Variants in BCL2 observed in about 807,000 individuals in gnomAD.
BCL2 encodes apoptosis regulator Bcl-2.
Under a neutral mutation model 14.2 loss-of-function variants are expected in BCL2, and 1 was observed. That is an observed-to-expected ratio of 0.07 (90% confidence interval 0.02 to 0.33). The LOEUF (loss-of-function observed/expected upper bound fraction) is 0.33, where lower values mean the gene tolerates loss of function less well. Among genes scored for constraint, BCL2 ranks in the 10% least tolerant of loss-of-function variants. The pLI is 0.99. For missense variants in BCL2, 247 were observed against 305.9 expected (o/e 0.81, Z 1.44); for synonymous variants, 151 against 137.2 (o/e 1.10, Z -0.70).
chr18:63,287,305 C>T (rs1393823401), intron 2 of BCL2, among the ~76,000 whole-genome samples: 1 of 152,172 alleles, frequency 6.6e-6, no homozygotes, highest in Non-Finnish European at 1.5e-5. Flanking sequence ...GAAACTGAAG[C>T]TTGGAGAAAC....
At chr18:63,198,299 CACACAGACACACACTGACACAG>C (rs1909511694) in intron 2 of BCL2, among the ~76,000 whole-genome samples, 1 of 151,028 alleles carries the variant, frequency 6.6e-6, no homozygotes, top group Non-Finnish European at 1.5e-5. Context: ...CACAGAGACA[CACACAGACACACACTGACACAG>C]ACACAGAGAC....
At chr18:63,188,999 G>GTTTT (rs36046351) in intron 2 of BCL2, among the ~76,000 whole-genome samples, 2 of 139,906 alleles carry the variant, frequency 1.4e-5, no homozygotes, top group Non-Finnish European at 3.0e-5. Flanking sequence ...TTTTCCCCAA[G>GTTTT]TTTTTTTTTT....
At chr18:63,187,090 G>A (rs754476662) in intron 2 of BCL2, among the ~76,000 whole-genome samples, 25 of 152,174 alleles carry the variant, frequency 1.6e-4, no homozygotes, top group African/African-American at 5.5e-4. Context: ...GGAAGTTATC[G>A]TTTCATTCTA....
intron 2 of BCL2, among the ~76,000 whole-genome samples, chr18:63,304,185 C>T (rs1913049698): frequency 6.6e-6 from 1 of 152,148 alleles, no homozygotes; most frequent in Non-Finnish European, 1.5e-5. Flanking sequence ...GTTTACTTTT[C>T]TGACTTCCTC....
chr18:63,149,266 A>G lies in BCL2; in HGVS notation c.586-20507T>C, dbSNP rs1359910016. Among the ~76,000 whole-genome samples, 4 of 152,220 alleles carry G rather than the reference A, an allele frequency of 2.6e-5. No individual in the cohort carries two copies. Among genetic ancestry groups the G allele is most frequent in the African/African-American group, 7.2e-5 (3 of 41,452 alleles). On this transcript the variant is annotated intron_variant, in intron 2 of 2. Transcript: ENST00000333681. This position sits in a 1 kb window ranked among gnomAD's most constrained non-coding sequence, Gnocchi z 4.2. ...ACAGATCATCAGGCATTCGGTTCCC[A>G]TAAGGAGCACACAACCTAGATCCCT...
At chr18:63,228,261 C>G (rs9630855) in intron 2 of BCL2, among the ~76,000 whole-genome samples, 65,060 of 152,088 alleles carry the variant, frequency 0.43, 16,713 homozygotes, top group Non-Finnish European at 0.59. Context: ...CAAATATTAT[C>G]ACATTAGAGG....
At chr18:63,230,037 A>G (rs1279493757) in intron 2 of BCL2, among the ~76,000 whole-genome samples, 3 of 152,228 alleles carry the variant, frequency 2.0e-5, no homozygotes, top group Non-Finnish European at 4.4e-5. Flanking sequence ...TACAAGCTTC[A>G]GCTAATGACA....
chr18:63,291,928 A>G (rs1374588229), intron 2 of BCL2, among the ~76,000 whole-genome samples: 1 of 152,142 alleles, frequency 6.6e-6, no homozygotes, highest in Non-Finnish European at 1.5e-5. Flanking sequence ...TTCCCATGGG[A>G]AGCAAGTTAA....
chr18:63,220,063 C>A (rs1322682693), intron 2 of BCL2, among the ~76,000 whole-genome samples: 1 of 152,190 alleles, frequency 6.6e-6, no homozygotes, highest in East Asian at 1.9e-4. Flanking sequence ...TCTAGTTTAA[C>A]TTCAGTTATA....
intron 2 of BCL2, among the ~76,000 whole-genome samples, chr18:63,217,475 T>C (rs1910236862): frequency 6.6e-6 from 1 of 152,224 alleles, no homozygotes; most frequent in Non-Finnish European, 1.5e-5. Flanking sequence ...AGGGTTTTCC[T>C]AACAGAGTTT....
At chr18:63,258,250 G>C (rs1026335223) in intron 2 of BCL2, among the ~76,000 whole-genome samples, 1 of 152,210 alleles carries the variant, frequency 6.6e-6, no homozygotes, top group Non-Finnish European at 1.5e-5. Flanking sequence ...TCAGAACTAT[G>C]AGATAATAAA....
chr18:63,309,611 T>A (rs1913242768), intron 2 of BCL2, among the ~76,000 whole-genome samples: 1 of 152,036 alleles, frequency 6.6e-6, no homozygotes. Flanking sequence ...ATACCTGGTC[T>A]CCCCCGTCCA....
At chr18:63,133,234 C>T (rs1914117587) in intron 2 of BCL2, among the ~76,000 whole-genome samples, 1 of 152,134 alleles carries the variant, frequency 6.6e-6, no homozygotes, top group Non-Finnish European at 1.5e-5. Context: ...GCAAAGGTGT[C>T]CTCACCCCTC....
At chr18:63,233,528 T>G (rs1910742642) in intron 2 of BCL2, among the ~76,000 whole-genome samples, 1 of 152,298 alleles carries the variant, frequency 6.6e-6, no homozygotes, top group Non-Finnish European at 1.5e-5. Context: ...TATCATTAGA[T>G]TCTCATAAGG....
At chr18:63,264,706 G>A (rs1911767115) in intron 2 of BCL2, among the ~76,000 whole-genome samples, 1 of 152,116 alleles carries the variant, frequency 6.6e-6, no homozygotes, top group South Asian at 2.1e-4. Flanking sequence ...AATTTTTAAG[G>A]GGATCATCCA....
intron 2 of BCL2, among the ~76,000 whole-genome samples, chr18:63,180,600 G>C (rs377742107): frequency 6.7e-6 from 1 of 149,236 alleles, no homozygotes; most frequent in Non-Finnish European, 1.5e-5. Context: ...TGAATGCTTC[G>C]CTGCCAGCCA....
At chr18:63,256,850 T>A (rs1001687007) in intron 2 of BCL2, among the ~76,000 whole-genome samples, 2 of 152,224 alleles carry the variant, frequency 1.3e-5, no homozygotes, top group Non-Finnish European at 2.9e-5. Flanking sequence ...ATTAACAGTA[T>A]GTTCTACTCT....
intron 2 of BCL2, among the ~76,000 whole-genome samples, chr18:63,246,440 T>C (rs1911152654): frequency 6.6e-6 from 1 of 152,144 alleles, no homozygotes; most frequent in Non-Finnish European, 1.5e-5. Context: ...ACAATCATGG[T>C]GGAAGGCGAA....
intron 2 of BCL2, among the ~76,000 whole-genome samples, chr18:63,159,291 G>T (rs191371923): frequency 1.0e-3 from 153 of 152,266 alleles, no homozygotes; most frequent in Non-Finnish European, 1.9e-3. Context: ...TTGAAAAGGG[G>T]GAAAAAGAGA....
Sources: allele counts gnomAD v4.1 joint callset (sites outside exome capture counted in the v4.1 genomes callset), GRCh38; gene constraint gnomAD v4.1.1; non-coding constraint Gnocchi (gnomAD v3.1); transcripts MANE v1.5; gene names NCBI Gene and HGNC (gene_info 2026-07-23, HGNC 2026-07-21).